The following TRIP13 variants were observed in gnomAD, a reference collection of about 807,000 sequenced individuals.
TRIP13 encodes thyroid hormone receptor interactor 13.
In TRIP13, 25 loss-of-function variants were observed where a neutral mutation model predicts 54.4. That is an observed-to-expected ratio of 0.46 (90% CI 0.33 to 0.64). TRIP13 has a LOEUF of 0.64. Among genes scored for constraint, TRIP13 ranks in the 30% least tolerant of loss-of-function variants. The pLI is 0.02. For missense variants in TRIP13, 373 were observed against 534.2 expected, an observed-to-expected ratio of 0.70 and a Z score of 2.97; for synonymous variants, 207 against 207.8, an observed-to-expected ratio of 1.00 and a Z score of 0.03.
At position 911,221 on chromosome 5, in the gene TRIP13, G is replaced by A. The variant is rs923243751; in HGVS notation, c.867-622G>A. 1.2e-4 allele frequency among the ~76,000 whole-genome samples: 18 copies of A among 152,212 alleles called. No individual in the cohort carries two copies. Among genetic ancestry groups the A allele is most frequent in the African/African-American group, 4.3e-4 (18 of 41,462 alleles). ...GATGATGAGTGGCCATGCCCAGGTG[G>A]TGGTGGGCACCAGAGCCCACGGTAG... On this transcript the variant is annotated intron_variant, in intron 9 of 12. Transcript: ENST00000166345. The surrounding 1 kb of genome is among the most constrained non-coding windows in gnomAD (Gnocchi z 4.7).
At chr5:914,428 TG>T in intron 10 of TRIP13, 36 bp from the exon 11 acceptor site, 1 of 1,509,288 alleles carries the variant, frequency 6.6e-7, no homozygotes, top group Non-Finnish European at 9.2e-7. Flanking sequence ...CAGGCCTCTG[TG>T]GACTCAGCTA....
rs1439000181 is a variant in TRIP13 at position 915,819 on chromosome 5, G to A, written c.1134-85G>A. 1.7e-5 allele frequency: 24 copies of A among 1,450,716 alleles called. No homozygotes were observed. Among genetic ancestry groups the A allele is most frequent in the Non-Finnish European group, 2.3e-5 (24 of 1,033,256 alleles). 89.9% of individuals were successfully genotyped at this position (1,450,716 alleles called of 1,614,324 possible). A position where few individuals can be genotyped will look rare whatever the true frequency, so the allele number is the denominator to read the frequency against. On this transcript the variant is annotated intron_variant, in intron 11 of 12. Coordinates refer to ENST00000166345, the MANE Select transcript of TRIP13 (RefSeq NM_004237.4). This position sits in a 1 kb window ranked among gnomAD's most constrained non-coding sequence, Gnocchi z 4.2. ...GGGACGCCTCGGCTTGTGTTCCCAG[G>A]GATGCCTCGGCCAATGAGGAAAATT...
At position 917,181 on chromosome 5, in the gene TRIP13, C is replaced by G; in HGVS notation, c.*78C>G. ...GTGAGGTTGCCCCACACAGCCGTCT[C>G]CCAGGGAATCCCTTCTGCAAACCAA... On this transcript the variant is annotated 3_prime_UTR_variant, in exon 13 of 13. Transcript: ENST00000166345. 7.2e-7 allele frequency: 1 copy of G among 1,383,840 alleles called. No homozygotes were observed. The highest frequency in any genetic ancestry group is 1.0e-6 in the Non-Finnish European group (1 of 996,102). 85.7% of individuals were successfully genotyped at this position (1,383,840 alleles called of 1,614,324 possible).
In TRIP13 at chr5:915,163, G is replaced by A. The variant is rs1754318502; in HGVS notation, c.1133+586G>A. On this transcript the variant is annotated intron_variant, in intron 11 of 12. Transcript: ENST00000166345. The surrounding 1 kb of genome is among the most constrained non-coding windows in gnomAD (Gnocchi z 4.2). ...TTAAACAAGGGATAACATGAAGAAT[G>A]TAGTATTTTTTAAGGATTTGGATTA... Among the ~76,000 whole-genome samples, 1 of 152,244 alleles carries A rather than the reference G, an allele frequency of 6.6e-6. No individual in the cohort carries two copies. Among genetic ancestry groups the A allele is most frequent in the Non-Finnish European group, 1.5e-5 (1 of 68,046 alleles).
intron 11 of TRIP13, 89 bp downstream of exon 11, chr5:914,666 G>A: frequency 4.7e-6 from 5 of 1,062,318 alleles, no homozygotes; most frequent in Non-Finnish European, 7.2e-6. Flanking sequence ...AGACCAGGGA[G>A]GGCCCTGGGT....
At position 907,944 on chromosome 5, in the gene TRIP13, TGTG is replaced by T. The variant is rs1449334299; in HGVS notation, c.673-41_673-39del. ...CAGGGTCCCCCTGTGCACCTGGCAGTGTGGTCCCTGCACGTTGACACTAAAAGG... is the reference window on the plus strand; with the variant it reads ...CAGGGTCCCCCTGTGCACCTGGCAGTGTCCCTGCACGTTGACACTAAAAGG... On this transcript the variant is annotated intron_variant, in intron 7 of 12. Coordinates refer to ENST00000166345, the MANE Select transcript of TRIP13 (RefSeq NM_004237.4). This position sits in a 1 kb window ranked among gnomAD's most constrained non-coding sequence, Gnocchi z 4.1. 6.3e-7 allele frequency: 1 copy of T among 1,591,338 alleles called. No homozygotes were observed. Among genetic ancestry groups the T allele is most frequent in the Non-Finnish European group, 8.6e-7 (1 of 1,159,210 alleles).
chr5:901,228 G>C, intron 4 of TRIP13, 113 bp from the exon 5 acceptor site: 1 of 857,976 alleles, frequency 1.2e-6, no homozygotes. Flanking sequence ...AGGCGGCCTC[G>C]CTCCCTGTGC....
At chr5:910,770 GCCTAGGCCTC>G (rs1285144348) in intron 9 of TRIP13, among the ~76,000 whole-genome samples, 10 of 152,184 alleles carry the variant, frequency 6.6e-5, no homozygotes, top group African/African-American at 2.4e-4. Flanking sequence ...TGATCTGCAG[GCCTAGGCCTC>G]CCTCTGGCCC....
chr5:900,437 G>A (rs1258846389), intron 3 of TRIP13, 57 bp from the exon 4 acceptor site: 4 of 1,569,222 alleles, frequency 2.5e-6, no homozygotes, highest in Non-Finnish European at 3.5e-6. Flanking sequence ...GACTGACTGG[G>A]GGTGGCTGTA....
intron 5 of TRIP13, among the ~76,000 whole-genome samples, chr5:902,236 C>T (rs922272281): frequency 1.3e-5 from 2 of 152,010 alleles, no homozygotes; most frequent in Non-Finnish European, 2.9e-5. Flanking sequence ...AATGGGGACA[C>T]GGGAATTGAG....
Position 894,913 on chromosome 5 carries a change from G to A in TRIP13, c.219G>A (p.Val73=). The A allele has an allele frequency of 6.2e-7, 1 of 1,613,086 alleles. No homozygotes were observed. The highest frequency in any genetic ancestry group is 8.5e-7 in the Non-Finnish European group (1 of 1,179,794). The change falls in exon 2 of 13, where the codon GTG becomes GTA. Residue 73 remains valine, a synonymous_variant. Transcript: ENST00000166345. ...TTTTGACCAGAAATGTGCAGTCTGT[G>A]TCTATTATTGACACAGAATTAAAGG... is the stretch of plus-strand genomic sequence containing the variant. The part of the protein sequence containing the change: ...EPFLTRNVQS[V]SIIDTELKVK...
intron 3 of TRIP13, 74 bp from the exon 4 acceptor site, chr5:900,420 C>T (rs2150682983): frequency 6.8e-7 from 1 of 1,478,878 alleles, no homozygotes; most frequent in Non-Finnish European, 9.4e-7. Flanking sequence ...GGCTTAGGCT[C>T]AGGGGAGACT....
In TRIP13 at chr5:907,924, TC is replaced by T. The variant is rs1395845940; in HGVS notation, c.673-59del. 1.6e-5 allele frequency: 24 copies of T among 1,535,290 alleles called. No homozygotes were observed. The Admixed American group carries it at 3.8e-4, about 25-fold the overall frequency. ...ACTGGGGCAGCAGGCCACATCAGGG[TC>T]CCCCTGTGCACCTGGCAGTGTGGTC... On this transcript the variant is annotated intron_variant, in intron 7 of 12. Transcript: ENST00000166345. The surrounding 1 kb of genome is among the most constrained non-coding windows in gnomAD (Gnocchi z 4.1).
Position 917,277 on chromosome 5 carries a change from G to A in TRIP13, c.*174G>A. 3.5e-6 allele frequency: 2 copies of A among 577,600 alleles called. No individual in the cohort carries two copies. The highest frequency in any genetic ancestry group is 6.0e-5 in the East Asian group (2 of 33,584). The allele number at this position is 577,600 out of a possible 1,614,324, so 35.8% of individuals were successfully genotyped here. On this transcript the variant is annotated 3_prime_UTR_variant, in exon 13 of 13. Coordinates refer to ENST00000166345, the MANE Select transcript of TRIP13 (RefSeq NM_004237.4). The stretch of plus-strand genomic sequence containing the variant: ...GTTAAAAGAAGTGTATTCTATTTAT[G>A]TTGTTTTAAAATGCATACTGAGAGA...
In TRIP13 at chr5:915,338, C is replaced by T. The variant is rs1754321774; in HGVS notation, c.1134-566C>T. On this transcript the variant is annotated intron_variant, in intron 11 of 12. Transcript: ENST00000166345. This position sits in a 1 kb window ranked among gnomAD's most constrained non-coding sequence, Gnocchi z 4.2. ...TGCATCGTGCCTTACGCCTGGTGCT[C>T]CCAGGCAGGTGATGCCTTCCCTGAG... 6.6e-6 allele frequency among the ~76,000 whole-genome samples: 1 copy of T among 152,202 alleles called. No individual in the cohort carries two copies. The highest frequency in any genetic ancestry group is 6.5e-5 in the Admixed American group (1 of 15,284).
chr5:910,043 C>T (rs1489515054), intron 9 of TRIP13, among the ~76,000 whole-genome samples: 3 of 152,226 alleles, frequency 2.0e-5, no homozygotes, highest in Non-Finnish European at 4.4e-5. Flanking sequence ...GGGCTTGTCC[C>T]CAACAAGTGT....
rs531475762 is a variant in TRIP13, at chr5:918,025, G to C, written c.*922G>C. The C allele has an allele frequency of 6.6e-5, 10 of 152,182 alleles. No individual in the cohort carries two copies. Among genetic ancestry groups the C allele is most frequent in the Non-Finnish European group, 1.2e-4 (8 of 68,030 alleles). The allele number at this position is 152,182 out of a possible 1,614,324, so 9.4% of individuals were successfully genotyped here. ...TACCTTTTGTTTTAGAAGTTTTCAA[G>C]TATTAAAATATTTTTTAGAATTTTC... On this transcript the variant is annotated 3_prime_UTR_variant, in exon 13 of 13. Transcript: ENST00000166345. This position sits in a 1 kb window ranked among gnomAD's most constrained non-coding sequence, Gnocchi z 4.3.
In TRIP13 at chr5:908,286, C is replaced by A; in HGVS notation, c.760-69C>A. The A allele has an allele frequency of 6.5e-7, 1 of 1,544,204 alleles. No homozygotes were observed. Among genetic ancestry groups the A allele is most frequent in the Non-Finnish European group, 8.9e-7 (1 of 1,125,988 alleles). On this transcript the variant is annotated intron_variant, in intron 8 of 12. Transcript: ENST00000166345. This position sits in a 1 kb window ranked among gnomAD's most constrained non-coding sequence, Gnocchi z 5.2. Reference sequence around the variant, plus strand: ...CATCTTTTTCACGTGCTCAGCGGGACGTATCCCCATAGCTGCCTGTGAAGT... The same window carrying A: ...CATCTTTTTCACGTGCTCAGCGGGAAGTATCCCCATAGCTGCCTGTGAAGT...
chr5:895,920 A>G (rs1261034794), intron 2 of TRIP13, among the ~76,000 whole-genome samples: 1 of 152,246 alleles, frequency 6.6e-6, no homozygotes, highest in East Asian at 1.9e-4. Flanking sequence ...AATTCCATAT[A>G]TCTACACTAT....
Sources: gnomAD v4.1 joint callset for allele counts (sites outside exome capture counted in the v4.1 genomes callset) on GRCh38, gnomAD v4.1.1 for gene constraint, Gnocchi (gnomAD v3.1) non-coding constraint, MANE v1.5 for transcripts, NCBI Gene and HGNC (gene_info 2026-07-23, HGNC 2026-07-21) for gene names.